CARMIL1: variants seen among roughly 807,000 people sequenced by gnomAD.
CARMIL1 encodes capping protein regulator and myosin 1 linker 1.
CARMIL1 carries 90 observed loss-of-function variants against 177.1 expected under a neutral mutation model. That is an observed-to-expected ratio of 0.51 (90% CI 0.43 to 0.61). The LOEUF is 0.61. Ranked by LOEUF, CARMIL1 falls within the 20% of genes least tolerant of loss-of-function variation. The pLI, the probability that CARMIL1 is intolerant of heterozygous loss-of-function variation, is 0.00. For missense variants in CARMIL1, 1,380 were observed against 1,667.0 expected, an observed-to-expected ratio of 0.83 and a Z score of 3.00; for synonymous variants, 577 against 606.2, an observed-to-expected ratio of 0.95 and a Z score of 0.71.
At chr6:25,588,488 A>G (rs974695947) in intron 31 of CARMIL1, among the ~76,000 whole-genome samples, 1 of 152,124 alleles carries the variant, frequency 6.6e-6, no homozygotes, top group Non-Finnish European at 1.5e-5. Flanking sequence ...CTGAGGTTTT[A>G]AGGGCCAGGT....
chr6:25,330,670 C>T (rs980128248), intron 2 of CARMIL1, among the ~76,000 whole-genome samples: 1 of 142,476 alleles, frequency 7.0e-6, no homozygotes, highest in African/African-American at 2.6e-5. Flanking sequence ...TGAGACGCAC[C>T]CCCCCGCCCA....
At chr6:25,323,493 C>T (rs1289874061) in intron 2 of CARMIL1, among the ~76,000 whole-genome samples, 1 of 151,776 alleles carries the variant, frequency 6.6e-6, no homozygotes, top group Non-Finnish European at 1.5e-5. Flanking sequence ...CCTATAGTCC[C>T]AGCTACTCGG....
intron 24 of CARMIL1, among the ~76,000 whole-genome samples, chr6:25,532,947 G>T (rs886436749): frequency 1.3e-5 from 2 of 152,088 alleles, no homozygotes; most frequent in African/African-American, 4.8e-5. Context: ...CAATAAAACT[G>T]TAGTTATAAA....
At chr6:25,581,536 A>G in intron 31 of CARMIL1, 97 bp downstream of exon 31, 1 of 1,130,146 alleles carries the variant, frequency 8.8e-7, no homozygotes, top group Non-Finnish European at 1.2e-6. Flanking sequence ...ACAAACATGA[A>G]AGCTATGGTT....
chr6:25,367,089 A>T (rs761157982), intron 2 of CARMIL1, among the ~76,000 whole-genome samples: 10 of 152,202 alleles, frequency 6.6e-5, no homozygotes, highest in Non-Finnish European at 8.8e-5. Flanking sequence ...GTATTTTCAC[A>T]TGTTGGCTGC....
intron 2 of CARMIL1, among the ~76,000 whole-genome samples, chr6:25,407,876 T>G (rs79665799): frequency 0.052 from 7,913 of 152,306 alleles, 280 homozygotes; most frequent in Non-Finnish European, 0.087. Flanking sequence ...CCAACTGTAA[T>G]GCTAATGTGA....
At chr6:25,586,790 C>CA (rs1813763250) in intron 31 of CARMIL1, among the ~76,000 whole-genome samples, 2 of 152,056 alleles carry the variant, frequency 1.3e-5, no homozygotes, top group South Asian at 2.1e-4. Context: ...CCGTCTCCAC[C>CA]AAAAAATACA....
intron 2 of CARMIL1, among the ~76,000 whole-genome samples, chr6:25,416,887 C>T (rs1795402924): frequency 1.3e-5 from 2 of 152,114 alleles, no homozygotes; most frequent in South Asian, 4.1e-4. Context: ...TACCTCTATG[C>T]AGAGGTTTTG....
intron 2 of CARMIL1, among the ~76,000 whole-genome samples, chr6:25,336,459 G>C (rs1786248536): frequency 6.6e-6 from 1 of 152,328 alleles, no homozygotes; most frequent in South Asian, 2.1e-4. Context: ...TGTGGTCTCA[G>C]GTTGCCTGGG....
chr6:25,489,171 TAACAACAAC>T (rs67504879), intron 13 of CARMIL1, among the ~76,000 whole-genome samples: 1 of 151,578 alleles, frequency 6.6e-6, no homozygotes, highest in Non-Finnish European at 1.5e-5. Flanking sequence ...TATCAAACAA[TAACAACAAC>T]AACAACAACA....
intron 36 of CARMIL1, among the ~76,000 whole-genome samples, 193 bp downstream of exon 36, chr6:25,610,374 A>C (rs1816408509): frequency 6.6e-6 from 1 of 152,180 alleles, no homozygotes; most frequent in South Asian, 2.1e-4. Context: ...ATGACATTGG[A>C]TCTTAATGAC....
intron 4 of CARMIL1, among the ~76,000 whole-genome samples, chr6:25,428,237 T>C (rs1796440991): frequency 6.6e-6 from 1 of 152,208 alleles, no homozygotes; most frequent in South Asian, 2.1e-4. Context: ...GTCTTTTTTT[T>C]CTCATATGTG....
At position 25,604,792 on chromosome 6, in the gene CARMIL1, A is replaced by G. The variant is rs985757810; in HGVS notation, c.3553-20A>G. Reference sequence around the variant, plus strand: ...AAATAAATGTGCACTTTTTGGGGGGATGGTGCTTGAATTTTTTAGAAGCTT... The same window carrying G: ...AAATAAATGTGCACTTTTTGGGGGGGTGGTGCTTGAATTTTTTAGAAGCTT... On this transcript the variant is annotated intron_variant, in intron 33 of 36. Coordinates refer to ENST00000329474, the MANE Select transcript of CARMIL1 (RefSeq NM_017640.6). 4 of 1,555,880 alleles carry G rather than the reference A, an allele frequency of 2.6e-6. No homozygotes were observed. In the African/African-American group the frequency reaches 4.1e-5, roughly 16 times the overall value.
rs1377686802 is a variant in CARMIL1 at position 25,554,475 on chromosome 6, G to T, written c.2592+379G>T. ...AATGGACTATTCTAAAAACATGGGA[G>T]AAAATAAAAATATTTGAATAAAGAA... On this transcript the variant is annotated intron_variant, in intron 28 of 36. Coordinates refer to ENST00000329474, the MANE Select transcript of CARMIL1 (RefSeq NM_017640.6). This position sits in a 1 kb window ranked among gnomAD's most constrained non-coding sequence, Gnocchi z 4.6. Among the ~76,000 whole-genome samples the T allele has an allele frequency of 6.6e-6, 1 of 152,008 alleles. No homozygotes were observed. Among genetic ancestry groups the T allele is most frequent in the Non-Finnish European group, 1.5e-5 (1 of 68,004 alleles).
intron 2 of CARMIL1, among the ~76,000 whole-genome samples, chr6:25,368,059 T>G (rs1790026364): frequency 1.3e-5 from 2 of 152,178 alleles, no homozygotes; most frequent in African/African-American, 4.8e-5. Flanking sequence ...CGCACCCGGC[T>G]GCATTCAGAC....
chr6:25,350,210 C>T (rs1787977824), intron 2 of CARMIL1, among the ~76,000 whole-genome samples: 1 of 152,186 alleles, frequency 6.6e-6, no homozygotes, highest in African/African-American at 2.4e-5. Flanking sequence ...TATTAACTCC[C>T]CTCCAGGTCT....
intron 8 of CARMIL1, among the ~76,000 whole-genome samples, chr6:25,463,700 A>G (rs562618505): frequency 2.0e-5 from 3 of 152,336 alleles, no homozygotes; most frequent in South Asian, 2.1e-4. Context: ...AGAAGCTACA[A>G]CCTGTAATTA....
intron 17 of CARMIL1, among the ~76,000 whole-genome samples, chr6:25,508,184 G>A (rs1378874998): frequency 1.3e-5 from 2 of 152,106 alleles, no homozygotes; most frequent in African/African-American, 2.4e-5. Context: ...GGCTCGATGG[G>A]GCATTTAGGT....
At chr6:25,309,560 C>T (rs1196499853) in intron 2 of CARMIL1, among the ~76,000 whole-genome samples, 1 of 151,478 alleles carries the variant, frequency 6.6e-6, no homozygotes, top group Non-Finnish European at 1.5e-5. Context: ...CAGCCCTTGG[C>T]AACAGCTAGT....
Sources: gnomAD v4.1 joint callset for allele counts (sites outside exome capture counted in the v4.1 genomes callset) on GRCh38, gnomAD v4.1.1 for gene constraint, Gnocchi (gnomAD v3.1) non-coding constraint, MANE v1.5 for transcripts, NCBI Gene and HGNC (gene_info 2026-07-23, HGNC 2026-07-21) for gene names.